Variants in CDKL5 observed in about 807,000 individuals in gnomAD.
The protein encoded by CDKL5 is cyclin dependent kinase like 5.
Under a neutral mutation model 61.7 loss-of-function variants are expected in CDKL5, and 8 were observed. That is an observed-to-expected ratio of 0.13 (90% CI 0.08 to 0.23). CDKL5 has a LOEUF of 0.23. Among genes scored for constraint, CDKL5 ranks in the 10% least tolerant of loss-of-function variants. The pLI is 1.00. For missense variants in CDKL5, 440 were observed against 734.5 expected (o/e 0.60, Z 4.63); for synonymous variants, 275 against 272.3 (o/e 1.01, Z -0.10).
At chrX:18,538,964 T>C (rs1328672555) in intron 3 of CDKL5, among the ~76,000 whole-genome samples, 2 of 112,217 alleles carry the variant, frequency 1.8e-5, no homozygotes, top group African/African-American at 6.5e-5. Context: ...TTTTGGTAGT[T>C]TGATTTTCAA....
intron 3 of CDKL5, among the ~76,000 whole-genome samples, chrX:18,557,539 A>T (rs1044869399): frequency 8.9e-6 from 1 of 111,892 alleles, no homozygotes; most frequent in African/African-American, 3.3e-5. Flanking sequence ...AGAATAAAAG[A>T]GTATTTTATT....
intron 1 of CDKL5, among the ~76,000 whole-genome samples, chrX:18,428,043 G>A (rs989556217): frequency 1.3e-4 from 15 of 111,736 alleles, no homozygotes; most frequent in Admixed American, 1.2e-3. Context: ...AGATGTATTC[G>A]GTTGCAAATA....
At chrX:18,566,756 G>A (rs1273601694) in intron 4 of CDKL5, among the ~76,000 whole-genome samples, 1 of 111,949 alleles carries the variant, frequency 8.9e-6, no homozygotes, top group Non-Finnish European at 1.9e-5. Flanking sequence ...ATTTTGAGGT[G>A]AGAGAAACTG....
chrX:18,619,630 G>T (rs1234060909), intron 15 of CDKL5, among the ~76,000 whole-genome samples: 1 of 111,908 alleles, frequency 8.9e-6, no homozygotes, highest in Non-Finnish European at 1.9e-5. Flanking sequence ...AACAGTTACA[G>T]GTCATATAAT....
chrX:18,584,707 A>G (rs1368401016), intron 8 of CDKL5, among the ~76,000 whole-genome samples: 1 of 111,673 alleles, frequency 9.0e-6, no homozygotes, highest in Non-Finnish European at 1.9e-5. Context: ...CTTATCCTCC[A>G]GTAAGCTATT....
chrX:18,531,867 C>T (rs1250208454), intron 3 of CDKL5, among the ~76,000 whole-genome samples: 3 of 107,107 alleles, frequency 2.8e-5, no homozygotes, highest in Admixed American at 9.9e-5. Flanking sequence ...CCACCGCGCC[C>T]GGCTAATTTT....
At chrX:18,531,833 A>G (rs1453923717) in intron 3 of CDKL5, among the ~76,000 whole-genome samples, 1 of 107,380 alleles carries the variant, frequency 9.3e-6, no homozygotes, top group African/African-American at 3.5e-5. Context: ...CAGCCTCCCG[A>G]GTAGCTGGGA....
intron 3 of CDKL5, among the ~76,000 whole-genome samples, chrX:18,553,224 T>C (rs1924461128): frequency 9.0e-6 from 1 of 111,114 alleles, no homozygotes; most frequent in African/African-American, 3.3e-5. Context: ...TACTGAGATA[T>C]ATGGGACAGG....
At chrX:18,503,151 T>C (rs1922448910) in intron 1 of CDKL5, among the ~76,000 whole-genome samples, 1 of 112,550 alleles carries the variant, frequency 8.9e-6, no homozygotes, top group Non-Finnish European at 1.9e-5. Context: ...TTGTTAAATC[T>C]TAGGTGCTTT....
intron 1 of CDKL5, among the ~76,000 whole-genome samples, chrX:18,488,613 GC>G (rs1459129391): frequency 2.7e-5 from 3 of 111,763 alleles, no homozygotes; most frequent in African/African-American, 3.3e-5. Flanking sequence ...ATCACCAATG[GC>G]TAGTGCTTTA....
chrX:18,440,124 T>C (rs1931704820), intron 1 of CDKL5, among the ~76,000 whole-genome samples: 1 of 111,345 alleles, frequency 9.0e-6, no homozygotes, highest in South Asian at 3.7e-4. Context: ...ATCTGTTGAC[T>C]GTTCCTTTCA....
intron 1 of CDKL5, among the ~76,000 whole-genome samples, chrX:18,456,614 G>A (rs1482864917): frequency 3.6e-5 from 4 of 111,766 alleles, no homozygotes; most frequent in Non-Finnish European, 7.5e-5. Flanking sequence ...AAGCCTGAAG[G>A]AATTTGAGAG....
chrX:18,559,449 C>T (rs1924715800), intron 3 of CDKL5, among the ~76,000 whole-genome samples: 1 of 109,857 alleles, frequency 9.1e-6, no homozygotes, highest in East Asian at 2.9e-4. Context: ...CCTCGTGATC[C>T]GCCCACCTCG....
At chrX:18,496,184 TGTCCTAGGCTATCAGATTGCA>T (rs1398955378) in intron 1 of CDKL5, among the ~76,000 whole-genome samples, 4 of 112,461 alleles carry the variant, frequency 3.6e-5, no homozygotes, top group Non-Finnish European at 5.6e-5. Context: ...TGACAAAATA[TGTCCTAGGCTATCAGATTGCA>T]GTCTGCTTTT....
chrX:18,603,987 C>G lies in CDKL5; in HGVS notation c.1063C>G (p.Arg355Gly). 2 of 1,210,828 alleles carry G rather than the reference C, an allele frequency of 1.7e-6. No individual in the cohort carries two copies. The highest frequency in any genetic ancestry group is 2.2e-6 in the Non-Finnish European group (2 of 894,981). The change falls in exon 12 of 18, where the codon CGG becomes GGG. Residue 355 changes from arginine to glycine, a missense_variant. Transcript: ENST00000623535. ...DIQNLSVGLP[R>G]ADEGLPANES... ...CCAGAACCTGAGTGTAGGCCTGCCC[C>G]GGGCTGACGAAGGTCTCCCTGCCAA...
chrX:18,501,630 C>T (rs1922389183), intron 1 of CDKL5, among the ~76,000 whole-genome samples: 1 of 111,353 alleles, frequency 9.0e-6, no homozygotes, highest in South Asian at 3.7e-4. Flanking sequence ...TTTACTGCAA[C>T]CTCTGCCTTC....
chrX:18,583,734 T>G (rs908334500), intron 7 of CDKL5, among the ~76,000 whole-genome samples: 12 of 111,634 alleles, frequency 1.1e-4, no homozygotes, highest in Non-Finnish European at 2.3e-4. Flanking sequence ...ACCCCTAATA[T>G]TCTCAGTCAT....
At chrX:18,579,167 T>C (rs921327630) in intron 5 of CDKL5, among the ~76,000 whole-genome samples, 3 of 111,844 alleles carry the variant, frequency 2.7e-5, no homozygotes, top group Non-Finnish European at 5.6e-5. Context: ...CCTTGTACTT[T>C]ACAGTGAGAA....
At chrX:18,466,405 T>C (rs1920961783) in intron 1 of CDKL5, among the ~76,000 whole-genome samples, 1 of 112,240 alleles carries the variant, frequency 8.9e-6, no homozygotes, top group African/African-American at 3.2e-5. Flanking sequence ...TGAGACAGCT[T>C]TTAATGTGTA....
Sources: gnomAD v4.1 joint callset for allele counts (sites outside exome capture counted in the v4.1 genomes callset) on GRCh38, gnomAD v4.1.1 for gene constraint, MANE v1.5 for transcripts, NCBI Gene and HGNC (gene_info 2026-07-23, HGNC 2026-07-21) for gene names.